Variants in RBMS3 observed in about 807,000 individuals in gnomAD.
RBMS3 encodes the protein RNA binding motif single stranded interacting protein 3.
A neutral mutation model predicts 66.8 loss-of-function variants in RBMS3; 27 were observed. The observed-to-expected ratio is 0.40, with a 90% CI of 0.30 to 0.56. The LOEUF is 0.56. Among genes scored for constraint, RBMS3 ranks in the 20% least tolerant of loss-of-function variants. The pLI is 0.40. For missense variants in RBMS3, 513 were observed against 549.5 expected (o/e 0.93, Z 0.66); for synonymous variants, 188 against 183.0 (o/e 1.03, Z -0.22).
At chr3:29,320,018 C>CAGTTAAGATCA (rs1420117978) in intron 1 of RBMS3, among the ~76,000 whole-genome samples, 2 of 151,980 alleles carry the variant, frequency 1.3e-5, no homozygotes, top group Non-Finnish European at 2.9e-5. Context: ...AGATCAGACT[C>CAGTTAAGATCA]GAGTCAGTTA....
intron 6 of RBMS3, among the ~76,000 whole-genome samples, chr3:29,783,733 A>C (rs1219261969): frequency 6.6e-6 from 1 of 152,184 alleles, no homozygotes; most frequent in Non-Finnish European, 1.5e-5. Context: ...TAAATGGTCC[A>C]CTTAAAAGAT....
intron 2 of RBMS3, among the ~76,000 whole-genome samples, chr3:29,468,396 T>G (rs893217445): frequency 6.6e-6 from 1 of 152,148 alleles, no homozygotes; most frequent in African/African-American, 2.4e-5. Flanking sequence ...AGGCTCAGCT[T>G]TAAATGCAGC....
At chr3:29,950,121 C>T (rs1695580758) in intron 12 of RBMS3, among the ~76,000 whole-genome samples, 1 of 151,748 alleles carries the variant, frequency 6.6e-6, no homozygotes, top group Admixed American at 6.6e-5. Flanking sequence ...GAAAGCTTTC[C>T]TGGTCTTGTC....
chr3:29,464,359 C>CA, intron 2 of RBMS3, among the ~76,000 whole-genome samples: 1 of 152,214 alleles, frequency 6.6e-6, no homozygotes, highest in Admixed American at 6.5e-5. Flanking sequence ...TCAAGATTGT[C>CA]AAAAGAGCCA....
At chr3:29,293,556 T>G (rs1315966323) in intron 1 of RBMS3, among the ~76,000 whole-genome samples, 1 of 151,802 alleles carries the variant, frequency 6.6e-6, no homozygotes, top group Non-Finnish European at 1.5e-5. Flanking sequence ...GGCTAGCTGC[T>G]ATTGTTATTA....
At chr3:29,591,609 G>A (rs1250024789) in intron 4 of RBMS3, among the ~76,000 whole-genome samples, 4 of 152,124 alleles carry the variant, frequency 2.6e-5, no homozygotes, top group African/African-American at 9.7e-5. Flanking sequence ...TTGAGGCCTC[G>A]CTGGAGAACT....
intron 3 of RBMS3, among the ~76,000 whole-genome samples, chr3:29,570,304 G>A (rs1174071634): frequency 6.6e-6 from 1 of 151,906 alleles, no homozygotes; most frequent in Non-Finnish European, 1.5e-5. Flanking sequence ...ATGCCTTCAA[G>A]CATTTATCCT....
chr3:29,918,737 T>C (rs1472876479), intron 10 of RBMS3, among the ~76,000 whole-genome samples: 10 of 152,136 alleles, frequency 6.6e-5, no homozygotes. Context: ...AACATTCTTT[T>C]CAATTTCTAC....
chr3:29,746,784 G>A (rs777686587), intron 5 of RBMS3, among the ~76,000 whole-genome samples: 12 of 152,086 alleles, frequency 7.9e-5, no homozygotes, highest in Non-Finnish European at 1.2e-4. Context: ...TCTCCGAGAC[G>A]GCAGTCTTGT....
At chr3:29,818,980 TAA>T (rs371452653) in intron 6 of RBMS3, among the ~76,000 whole-genome samples, 1 of 152,182 alleles carries the variant, frequency 6.6e-6, no homozygotes, top group Non-Finnish European at 1.5e-5. Flanking sequence ...AAATAGTTCT[TAA>T]AAAGTAGTTT....
intron 1 of RBMS3, among the ~76,000 whole-genome samples, chr3:29,286,627 G>A (rs538364867): frequency 6.6e-6 from 1 of 152,078 alleles, no homozygotes; most frequent in Non-Finnish European, 1.5e-5. Context: ...AGGGCTGGGG[G>A]TAGGGATAAT....
At chr3:29,841,044 AAGTT>A (rs1214794520) in intron 6 of RBMS3, among the ~76,000 whole-genome samples, 1 of 151,534 alleles carries the variant, frequency 6.6e-6, no homozygotes, top group Non-Finnish European at 1.5e-5. Flanking sequence ...GCCAAGGTAA[AAGTT>A]AGACAGTGTC....
chr3:29,356,631 T>G (rs533791426), intron 1 of RBMS3, among the ~76,000 whole-genome samples: 1 of 152,288 alleles, frequency 6.6e-6, no homozygotes, highest in South Asian at 2.1e-4. Flanking sequence ...AGTCAGTCAA[T>G]TTTTCTCAAG....
intron 6 of RBMS3, among the ~76,000 whole-genome samples, chr3:29,849,463 G>A (rs113427642): frequency 1.6e-3 from 243 of 148,172 alleles, no homozygotes; most frequent in Middle Eastern, 7.1e-3. Flanking sequence ...GCAGTGAGCC[G>A]AGATCACACC....
intron 4 of RBMS3, chr3:29,615,302 A>G (rs959867603): frequency 2.0e-5 from 3 of 152,178 alleles, no homozygotes; most frequent in African/African-American, 7.2e-5. Context: ...CATGTCTTAG[A>G]ATTAGAATAC....
At chr3:29,947,670 C>T (rs1007198517) in intron 12 of RBMS3, among the ~76,000 whole-genome samples, 6 of 151,270 alleles carry the variant, frequency 4.0e-5, no homozygotes, top group African/African-American at 1.5e-4. Flanking sequence ...TTTTCCATAA[C>T]AACTATAACT....
At chr3:29,938,248 C>T (rs1327968442) in intron 11 of RBMS3, among the ~76,000 whole-genome samples, 1 of 151,864 alleles carries the variant, frequency 6.6e-6, no homozygotes, top group East Asian at 1.9e-4. Context: ...CCAACAAGAA[C>T]ACATTTGTAA....
intron 12 of RBMS3, among the ~76,000 whole-genome samples, chr3:29,951,185 T>C (rs543976002): frequency 2.0e-5 from 3 of 151,990 alleles, no homozygotes; most frequent in South Asian, 2.1e-4. Flanking sequence ...AGAAATACTA[T>C]TGGGCTAATG....
intron 4 of RBMS3, among the ~76,000 whole-genome samples, chr3:29,643,192 A>G (rs2049789355): frequency 6.6e-6 from 1 of 152,106 alleles, no homozygotes. Context: ...AACCAGCCAG[A>G]TTTAATCTGA....
Sources: allele counts gnomAD v4.1 joint callset (sites outside exome capture counted in the v4.1 genomes callset), GRCh38; gene constraint gnomAD v4.1.1; transcripts MANE v1.5; gene names NCBI Gene and HGNC (gene_info 2026-07-23, HGNC 2026-07-21).